Variants in LNX1 observed in about 807,000 individuals in gnomAD.
The protein encoded by LNX1 is E3 ubiquitin-protein ligase LNX.
In LNX1, 54 loss-of-function variants were observed where a neutral mutation model predicts 68.4. The observed-to-expected ratio is 0.79, with a 90% CI of 0.63 to 0.99. LNX1 has a LOEUF of 0.99. Ranked by LOEUF, LNX1 falls within the 50% of genes least tolerant of loss-of-function variation. LNX1 has a pLI of 0.00. For synonymous variants in LNX1, 336 were observed against 350.0 expected, an observed-to-expected ratio of 0.96 and a Z score of 0.45; for missense variants, 906 against 926.4, an observed-to-expected ratio of 0.98 and a Z score of 0.29.
chr4:53,613,231 A>G (rs1162147774), intron 2 of LNX1, among the ~76,000 whole-genome samples: 7 of 152,006 alleles, frequency 4.6e-5, no homozygotes, highest in African/African-American at 1.7e-4. Context: ...ATATGTTTAA[A>G]TTGATCCCAT....
Position 53,491,808 on chromosome 4 carries a change from TG to T in LNX1, c.1350+4214del, listed in dbSNP as rs67587333. Among the ~76,000 whole-genome samples, 23 of 150,290 alleles carry T rather than the reference TG, an allele frequency of 1.5e-4. 4 individuals carry two copies. Among genetic ancestry groups the T allele is most frequent in the Non-Finnish European group, 1.8e-4 (12 of 67,456 alleles). On this transcript the variant is annotated intron_variant, in intron 6 of 10. Coordinates refer to ENST00000263925, the MANE Select transcript of LNX1 (RefSeq NM_001126328.3). ...GATACGATACTTTTTTTTGTTTGTT[TG>T]TTTTTTGAGAAAAGTTTCACTCTTT...
intron 2 of LNX1, among the ~76,000 whole-genome samples, chr4:53,539,602 GA>G (rs1728612241): frequency 6.6e-6 from 1 of 152,186 alleles, no homozygotes; most frequent in South Asian, 2.1e-4. Context: ...TTTGAGCTTT[GA>G]AATTTCTCTA....
In LNX1 at chr4:53,460,287, A is replaced by AGTT. The variant is rs570021028; in HGVS notation, c.*617_*619dup. Reference sequence around the variant, plus strand: ...GCCATTTCTTACTAAAAACAAAACAAGTTTATAATTAATTCTCTGAGCGAG... The same window carrying AGTT: ...GCCATTTCTTACTAAAAACAAAACAAGTTGTTTATAATTAATTCTCTGAGCGAG... On this transcript the variant is annotated 3_prime_UTR_variant, in exon 11 of 11. Transcript: ENST00000263925. The AGTT allele has an allele frequency of 3.8e-4, 72 of 190,940 alleles. 1 individual carries two copies. In the South Asian group the frequency reaches 8.1e-3, roughly 22 times the overall value. The allele number at this position is 190,940 out of a possible 1,614,324, so 11.8% of individuals were successfully genotyped here. A position where few individuals can be genotyped will look rare whatever the true frequency, so the allele number is the denominator to read the frequency against.
chr4:53,470,413 A>C (rs9998954), intron 9 of LNX1, among the ~76,000 whole-genome samples: 148,632 of 152,192 alleles, frequency 0.98, 72,680 homozygotes, highest in Middle Eastern at 1. Flanking sequence ...GGAAGCATTC[A>C]CTTTGAAAAC....
chr4:53,601,963 AC>A (rs1451901458), intron 2 of LNX1, among the ~76,000 whole-genome samples: 1 of 150,490 alleles, frequency 6.6e-6, no homozygotes, highest in Non-Finnish European at 1.5e-5. Flanking sequence ...AACCCTCCTC[AC>A]CCCTGCTCAC....
At chr4:53,554,181 A>G (rs1729719668) in intron 2 of LNX1, among the ~76,000 whole-genome samples, 1 of 152,212 alleles carries the variant, frequency 6.6e-6, no homozygotes, top group South Asian at 2.1e-4. Context: ...AGCTCTCGCC[A>G]TTGGACTATA....
intron 2 of LNX1, among the ~76,000 whole-genome samples, chr4:53,523,819 A>G (rs187112847): frequency 1.4e-3 from 220 of 152,282 alleles, no homozygotes; most frequent in African/African-American, 4.9e-3. Flanking sequence ...AATTATCCTA[A>G]AATACTCAAT....
intron 2 of LNX1, among the ~76,000 whole-genome samples, chr4:53,540,639 G>T (rs776926389): frequency 6.6e-6 from 1 of 151,816 alleles, no homozygotes; most frequent in Non-Finnish European, 1.5e-5. Context: ...CCGAGATTGC[G>T]CCACTGCACT....
intron 9 of LNX1, among the ~76,000 whole-genome samples, chr4:53,466,355 A>T (rs1409738740): frequency 6.6e-6 from 1 of 152,192 alleles, no homozygotes; most frequent in Non-Finnish European, 1.5e-5. Context: ...AAATATGTTT[A>T]AAAAGAAACC....
chr4:53,547,791 A>T (rs1009851826), intron 2 of LNX1, among the ~76,000 whole-genome samples: 9 of 152,124 alleles, frequency 5.9e-5, no homozygotes, highest in African/African-American at 2.2e-4. Context: ...GAATAAGAAG[A>T]AGGAGTCAGA....
chr4:53,541,130 C>CT (rs1728732370), intron 2 of LNX1, among the ~76,000 whole-genome samples: 1 of 112,690 alleles, frequency 8.9e-6, no homozygotes, highest in South Asian at 2.7e-4. Context: ...GAGCGAGACT[C>CT]TAACTCAAAA....
chr4:53,557,882 A>G, intron 2 of LNX1: 1 of 1,613,474 alleles, frequency 6.2e-7, no homozygotes, highest in Non-Finnish European at 8.5e-7. Flanking sequence ...ACAGTTCTGA[A>G]TACAGGAAGT....
chr4:53,469,189 C>T (rs1271776044), intron 9 of LNX1, among the ~76,000 whole-genome samples: 1 of 152,190 alleles, frequency 6.6e-6, no homozygotes, highest in Non-Finnish European at 1.5e-5. Flanking sequence ...AAGAAACTCA[C>T]TCAAAACTGC....
intron 9 of LNX1, among the ~76,000 whole-genome samples, chr4:53,473,035 G>A (rs1723340071): frequency 6.6e-6 from 1 of 152,130 alleles, no homozygotes; most frequent in African/African-American, 2.4e-5. Context: ...CCTTGACTAT[G>A]AAATACGGAA....
intron 1 of LNX1, among the ~76,000 whole-genome samples, chr4:53,580,315 C>T (rs577740994): frequency 1.6e-4 from 25 of 152,286 alleles, no homozygotes; most frequent in African/African-American, 5.1e-4. Flanking sequence ...TCCCCCAGGG[C>T]GAGTAGCCTC....
chr4:53,507,556 G>A (rs1291905509), intron 3 of LNX1, 87 bp from the exon 4 acceptor site: 1 of 1,399,052 alleles, frequency 7.1e-7, no homozygotes, highest in Non-Finnish European at 9.9e-7. Context: ...TACACAATAA[G>A]ACATTAACAG....
chr4:53,591,132 C>T (rs560841227), intron 1 of LNX1, among the ~76,000 whole-genome samples: 2 of 152,230 alleles, frequency 1.3e-5, no homozygotes, highest in South Asian at 2.1e-4. Flanking sequence ...AGATCAAGTA[C>T]GAGGACAAGC....
intron 2 of LNX1, among the ~76,000 whole-genome samples, chr4:53,528,683 G>A (rs1208334486): frequency 6.6e-6 from 1 of 151,902 alleles, no homozygotes; most frequent in Non-Finnish European, 1.5e-5. Flanking sequence ...GTGGATAAGG[G>A]GGGGACTACT....
intron 9 of LNX1, 43 bp downstream of exon 9, chr4:53,476,710 G>A (rs756608102): frequency 5.9e-6 from 9 of 1,527,002 alleles, no homozygotes; most frequent in East Asian, 2.2e-5. Context: ...AAATGTAATC[G>A]TTTTCTCCCA....
Sources: gnomAD v4.1 joint callset for allele counts (sites outside exome capture counted in the v4.1 genomes callset) on GRCh38, gnomAD v4.1.1 for gene constraint, MANE v1.5 for transcripts, NCBI Gene and HGNC (gene_info 2026-07-23, HGNC 2026-07-21) for gene names.